Variants in STX17 observed in about 807,000 individuals in gnomAD.
STX17 encodes the protein syntaxin 17.
In STX17, 29 loss-of-function variants were observed where a neutral mutation model predicts 35.9. The ratio of observed to expected loss-of-function variants is 0.81; its 90% CI spans 0.60 to 1.10. The LOEUF is 1.10. Ranked by LOEUF, STX17 falls within the 50% of genes least tolerant of loss-of-function variation. STX17 has a pLI of 0.00. For missense variants in STX17, 312 were observed against 352.3 expected (o/e 0.89, Z 0.92); for synonymous variants, 92 against 118.3 (o/e 0.78, Z 1.44).
chr9:99,960,709 T>C (rs1167443651), intron 6 of STX17, among the ~76,000 whole-genome samples: 1 of 152,204 alleles, frequency 6.6e-6, no homozygotes, highest in African/African-American at 2.4e-5. Context: ...CCCAAAGTTC[T>C]GGGATTACAG....
intron 3 of STX17, among the ~76,000 whole-genome samples, chr9:99,950,237 A>G (rs905571578): frequency 5.3e-5 from 8 of 151,980 alleles, no homozygotes; most frequent in African/African-American, 1.7e-4. Flanking sequence ...GTGAGATGAC[A>G]TGCAGGACTG....
chr9:99,966,666 T>C (rs1306064673), intron 6 of STX17, among the ~76,000 whole-genome samples: 2 of 152,254 alleles, frequency 1.3e-5, no homozygotes, highest in African/African-American at 4.8e-5. Flanking sequence ...ATATGTTGGC[T>C]TATACATTTG....
chr9:99,965,793 G>A (rs1054975006), intron 6 of STX17, among the ~76,000 whole-genome samples: 9 of 152,160 alleles, frequency 5.9e-5, no homozygotes, highest in Admixed American at 5.9e-4. Context: ...TTTTGATAGA[G>A]AGATGAGAGT....
At chr9:99,927,904 T>A (rs1021742624) in intron 2 of STX17, among the ~76,000 whole-genome samples, 15 of 152,224 alleles carry the variant, frequency 9.9e-5, no homozygotes, top group African/African-American at 2.4e-5. Flanking sequence ...GAACGAGGAA[T>A]ATAAAAATGC....
At chr9:99,940,970 C>T (rs771223074) in intron 3 of STX17, among the ~76,000 whole-genome samples, 6 of 152,224 alleles carry the variant, frequency 3.9e-5, no homozygotes, top group African/African-American at 1.4e-4. Context: ...GTTTCTCTCT[C>T]ATGTGTCTCA....
At chr9:99,938,880 A>G (rs1379654992) in intron 3 of STX17, among the ~76,000 whole-genome samples, 1 of 152,046 alleles carries the variant, frequency 6.6e-6, no homozygotes, top group Non-Finnish European at 1.5e-5. Flanking sequence ...ATTTTTCTTC[A>G]TAATAGTGAT....
intron 6 of STX17, among the ~76,000 whole-genome samples, chr9:99,965,362 T>G (rs1025178158): frequency 6.6e-6 from 1 of 152,192 alleles, no homozygotes; most frequent in Admixed American, 6.5e-5. Flanking sequence ...ACGATTACAC[T>G]TGGGGTATAG....
chr9:99,952,641 C>A (rs187128409), intron 4 of STX17, among the ~76,000 whole-genome samples: 1 of 152,208 alleles, frequency 6.6e-6, no homozygotes, highest in East Asian at 1.9e-4. Flanking sequence ...AAATGTCCAA[C>A]AATGATCGAC....
intron 4 of STX17, among the ~76,000 whole-genome samples, chr9:99,957,790 A>G (rs926997968): frequency 4.6e-5 from 7 of 151,118 alleles, no homozygotes; most frequent in African/African-American, 1.7e-4. Flanking sequence ...AGTAGCTGGG[A>G]TTACAGGTGT....
rs1402732815 is a variant in STX17 at position 99,915,365 on chromosome 9, G to A, written c.123+3G>A. On this transcript the variant is annotated splice_donor_region_variant and intron_variant, in intron 2 of 7. Transcript: ENST00000259400. Reference sequence around the variant, plus strand: ...AGCACCAGATAAATATTGAGAAGGTGAGCTGTTTCATTTACTACCACAAGA... The same window carrying A: ...AGCACCAGATAAATATTGAGAAGGTAAGCTGTTTCATTTACTACCACAAGA... 11 of 1,583,358 alleles carry A rather than the reference G, an allele frequency of 6.9e-6. No individual in the cohort carries two copies. The East Asian group carries it at 9.2e-5, about 13-fold the overall frequency.
chr9:99,931,383 A>G (rs1829118651), intron 3 of STX17, among the ~76,000 whole-genome samples: 1 of 151,772 alleles, frequency 6.6e-6, no homozygotes, highest in African/African-American at 2.4e-5. Flanking sequence ...TTTGATGATG[A>G]TGTCATTGTG....
chr9:99,941,854 T>A (rs1417622984), intron 3 of STX17, among the ~76,000 whole-genome samples: 1 of 152,230 alleles, frequency 6.6e-6, no homozygotes, highest in African/African-American at 2.4e-5. Flanking sequence ...GTATATATTC[T>A]ATTTAATGAA....
At chr9:99,922,391 C>T (rs35066144) in intron 2 of STX17, among the ~76,000 whole-genome samples, 1,551 of 152,260 alleles carry the variant, frequency 0.01, 15 homozygotes, top group African/African-American at 0.012. Flanking sequence ...GACATTTTCC[C>T]CAACGCCTAT....
intron 1 of STX17, chr9:99,913,927 C>T (rs2118300276): frequency 6.6e-6 from 1 of 151,588 alleles, no homozygotes; most frequent in Middle Eastern, 3.4e-3. Flanking sequence ...TCCCTTGAAA[C>T]AATGGACTCT....
At chr9:99,911,497 T>A (rs563280121) in intron 1 of STX17, among the ~76,000 whole-genome samples, 2 of 152,312 alleles carry the variant, frequency 1.3e-5, no homozygotes, top group South Asian at 4.1e-4. Flanking sequence ...ATATACTGAT[T>A]TTTTTTCCTT....
chr9:99,917,458 A>G (rs1395058500), intron 2 of STX17, among the ~76,000 whole-genome samples: 2 of 152,208 alleles, frequency 1.3e-5, no homozygotes, highest in African/African-American at 2.4e-5. Context: ...GAAAGATAAA[A>G]TATTTATTAT....
chr9:99,934,687 C>A (rs551751602), intron 3 of STX17, among the ~76,000 whole-genome samples: 74 of 152,258 alleles, frequency 4.9e-4, no homozygotes, highest in South Asian at 8.3e-4. Context: ...GTAAAGAAAT[C>A]AGATTAATTA....
At chr9:99,908,133 A>T (rs1249170453) in intron 1 of STX17, among the ~76,000 whole-genome samples, 1 of 152,234 alleles carries the variant, frequency 6.6e-6, no homozygotes, top group Non-Finnish European at 1.5e-5. Context: ...AGTTCATCAT[A>T]TGAGCATAGC....
At chr9:99,928,915 T>C (rs1829049485) in intron 3 of STX17, 72 bp downstream of exon 3, 5 of 1,379,800 alleles carry the variant, frequency 3.6e-6, no homozygotes, top group Non-Finnish European at 4.1e-6. Flanking sequence ...GCTAAAATAT[T>C]ACCTTTGCAG....
Sources: gnomAD v4.1 joint callset for allele counts (sites outside exome capture counted in the v4.1 genomes callset) on GRCh38, gnomAD v4.1.1 for gene constraint, MANE v1.5 for transcripts, NCBI Gene and HGNC (gene_info 2026-07-23, HGNC 2026-07-21) for gene names.